PHC3: variants seen among roughly 807,000 people sequenced by gnomAD.
The protein encoded by PHC3 is polyhomeotic-like protein 3.
Under a neutral mutation model 107.4 loss-of-function variants are expected in PHC3, and 13 were observed. The observed-to-expected ratio is 0.12, with a 90% CI of 0.08 to 0.19. The LOEUF is 0.19. PHC3 is among the 10% of genes least tolerant of loss of function. The pLI is 1.00. For missense variants in PHC3, 992 were observed against 1,210.9 expected (o/e 0.82, Z 2.68); for synonymous variants, 456 against 427.4 (o/e 1.07, Z -0.83).
chr3:170,153,617 G>A (rs1385025698), intron 4 of PHC3, among the ~76,000 whole-genome samples: 5 of 151,986 alleles, frequency 3.3e-5, no homozygotes, highest in Non-Finnish European at 2.9e-5. Flanking sequence ...CAAAAAAATA[G>A]CCAGGCGTGG....
chr3:170,135,253 T>C lies in PHC3; in HGVS notation c.919+1166A>G, dbSNP rs563009301. Among the ~76,000 whole-genome samples the C allele has an allele frequency of 2.0e-4, 31 of 152,142 alleles. No individual in the cohort carries two copies. The East Asian group carries it at 5.2e-3, about 26-fold the overall frequency. On this transcript the variant is annotated intron_variant, in intron 7 of 14. Transcript: ENST00000495893. ...GCAACCTCCGCCTCCTAGGTTCAAG[T>C]AACTCTCATACCTCAGCCTCCCAAG... is the stretch of plus-strand genomic sequence containing the variant.
chr3:170,148,851 A>G, intron 5 of PHC3: 4 of 388,322 alleles, frequency 1.0e-5, no homozygotes, highest in Non-Finnish European at 1.9e-5. Context: ...ACGTTACTGA[A>G]TCTCTATTAG....
rs185474177 is a variant in PHC3 at position 170,171,159 on chromosome 3, A to T, written c.414+214T>A. 214 of 577,912 alleles carry T rather than the reference A, an allele frequency of 3.7e-4. 2 individuals carry two copies. In the East Asian group the frequency reaches 6.1e-3, roughly 17 times the overall value. 35.8% of individuals were successfully genotyped at this position (577,912 alleles called of 1,614,324 possible). ...GATCAGTGCAAATGGATATACAAGA[A>T]ATAATACAAAAAGATTTTTTTAAGA... On this transcript the variant is annotated intron_variant, in intron 4 of 14. Coordinates refer to ENST00000495893, the MANE Select transcript of PHC3 (RefSeq NM_024947.4).
At chr3:170,166,659 G>A (rs1410334243) in intron 4 of PHC3, among the ~76,000 whole-genome samples, 2 of 147,916 alleles carry the variant, frequency 1.4e-5, no homozygotes, top group Non-Finnish European at 3.0e-5. Context: ...GAAAGGGTAC[G>A]CACAGATTAT....
chr3:170,159,251 C>CAAAA (rs1278767405), intron 4 of PHC3, among the ~76,000 whole-genome samples: 1 of 69,572 alleles, frequency 1.4e-5, no homozygotes, highest in African/African-American at 4.7e-5. Flanking sequence ...GACTCGGTCT[C>CAAAA]AAAAAAAAAA....
chr3:170,130,964 C>CATCT, intron 7 of PHC3, among the ~76,000 whole-genome samples: 2 of 151,816 alleles, frequency 1.3e-5, no homozygotes, highest in Admixed American at 1.3e-4. Context: ...TTATACCTTA[C>CATCT]ATCTATTTTT....
intron 5 of PHC3, chr3:170,148,264 A>C (rs1725336013): frequency 6.6e-6 from 1 of 152,044 alleles, no homozygotes; most frequent in African/African-American, 2.4e-5. Flanking sequence ...GTGAGACTTC[A>C]CCTCAAAAAA....
At chr3:170,128,468 T>C in intron 8 of PHC3, 1 of 1,191,156 alleles carries the variant, frequency 8.4e-7, no homozygotes, top group Non-Finnish European at 1.1e-6. Context: ...GGACTTTAAT[T>C]ACCATCACAA....
intron 10 of PHC3, among the ~76,000 whole-genome samples, chr3:170,114,500 G>A (rs1279491665): frequency 6.6e-6 from 1 of 152,134 alleles, no homozygotes; most frequent in Non-Finnish European, 1.5e-5. Context: ...TAGGTGATTT[G>A]TTTACAAAAA....
chr3:170,129,637 T>C, intron 7 of PHC3, 85 bp from the exon 8 acceptor site: 1 of 1,250,194 alleles, frequency 8.0e-7, no homozygotes, highest in Non-Finnish European at 1.1e-6. Flanking sequence ...GTGTTCATTA[T>C]CAGAAGGTCA....
chr3:170,172,822 T>C (rs2108757651), intron 2 of PHC3, 110 bp from the exon 3 acceptor site: 3 of 1,068,562 alleles, frequency 2.8e-6, no homozygotes. Flanking sequence ...CTTTAATACA[T>C]AATATCATCA....
chr3:170,169,558 CTTACT>C (rs1729266331), intron 4 of PHC3, among the ~76,000 whole-genome samples: 1 of 152,198 alleles, frequency 6.6e-6, no homozygotes. Context: ...GTTCTTCCTA[CTTACT>C]TATCTTCCCC....
chr3:170,178,715 A>G (rs1730912788), intron 2 of PHC3, 58 bp downstream of exon 2: 1 of 1,560,068 alleles, frequency 6.4e-7, no homozygotes, highest in South Asian at 1.1e-5. Flanking sequence ...ATCCAGCTTA[A>G]GCAAAAAGTA....
At position 170,109,830 on chromosome 3, in the gene PHC3, A is replaced by C. The variant is rs549835925; in HGVS notation, c.2354-2884T>G. Among the ~76,000 whole-genome samples, 11 of 152,230 alleles carry C rather than the reference A, an allele frequency of 7.2e-5. 1 individual carries two copies. Among genetic ancestry groups the C allele is most frequent in the South Asian group, 6.2e-4 (3 of 4,826 alleles). ...TTTATATGCTTACCAGAGGTTTTTT[A>C]TGTTGAAACTATATATACTACTAAA... On this transcript the variant is annotated intron_variant, in intron 11 of 14. Coordinates refer to ENST00000495893, the MANE Select transcript of PHC3 (RefSeq NM_024947.4).
chr3:170,126,379 A>T (rs915074288), intron 8 of PHC3, among the ~76,000 whole-genome samples: 1 of 151,648 alleles, frequency 6.6e-6, no homozygotes. Context: ...CATTATAACC[A>T]TATCAGTGAT....
chr3:170,115,168 A>T (rs974389175), intron 10 of PHC3, among the ~76,000 whole-genome samples: 1 of 152,152 alleles, frequency 6.6e-6, no homozygotes, highest in African/African-American at 2.4e-5. Context: ...TTTCAGAACT[A>T]TTTGAACAGT....
At chr3:170,178,213 C>A (rs368391626) in intron 2 of PHC3, among the ~76,000 whole-genome samples, 1 of 150,832 alleles carries the variant, frequency 6.6e-6, no homozygotes, top group Admixed American at 6.6e-5. Flanking sequence ...GCGCGATCTC[C>A]GCTCACTGCA....
In PHC3 at chr3:170,088,116, C is replaced by T. The variant is rs1419994086; in HGVS notation, c.*9114G>A. 1.3e-5 allele frequency: 2 copies of T among 152,074 alleles called. No homozygotes were observed. The highest frequency in any genetic ancestry group is 4.8e-5 in the African/African-American group (2 of 41,408). 9.4% of individuals were successfully genotyped at this position (152,074 alleles called of 1,614,324 possible). On this transcript the variant is annotated 3_prime_UTR_variant, in exon 15 of 15. Transcript: ENST00000495893. ...GTAAGGAGGACTCTAATACAATATC[C>T]AATGTAAAGAATACATCTATATATA...
chr3:170,160,821 C>T (rs188561922), intron 4 of PHC3, among the ~76,000 whole-genome samples: 3 of 152,160 alleles, frequency 2.0e-5, no homozygotes, highest in Admixed American at 6.5e-5. Context: ...GGAGGAGAAT[C>T]GCTTCAACCT....
Sources: allele counts gnomAD v4.1 joint callset (sites outside exome capture counted in the v4.1 genomes callset), GRCh38; gene constraint gnomAD v4.1.1; transcripts MANE v1.5; gene names NCBI Gene and HGNC (gene_info 2026-07-23, HGNC 2026-07-21).